The following SMPD4 variants were observed in gnomAD, a reference collection of about 807,000 sequenced individuals.
SMPD4 encodes neutral sphingomyelinase 3.
A neutral mutation model predicts 97.8 loss-of-function variants in SMPD4; 58 were observed. That is an observed-to-expected ratio of 0.59 (90% CI 0.48 to 0.74). SMPD4 has a LOEUF of 0.74. Ranked by LOEUF, SMPD4 falls within the 30% of genes least tolerant of loss-of-function variation. The probability of loss-of-function intolerance (pLI) is 0.00; values close to 1 mark genes in which losing one functional copy is unlikely to be tolerated. For missense variants in SMPD4, 853 were observed against 1,080.5 expected (o/e 0.79, Z 2.95); for synonymous variants, 388 against 450.0 (o/e 0.86, Z 1.74).
chr2:130,173,743 CCT>C (rs1186080993), intron 3 of SMPD4, 87 bp from the exon 4 acceptor site: 1 of 1,565,286 alleles, frequency 6.4e-7, no homozygotes, highest in Non-Finnish European at 8.7e-7. Context: ...TGCCCAGCTC[CCT>C]CTGAGGAAGC....
intron 3 of SMPD4, among the ~76,000 whole-genome samples, chr2:130,174,010 T>TA (rs1409103914): frequency 2.0e-5 from 3 of 151,488 alleles, no homozygotes; most frequent in African/African-American, 7.3e-5. Flanking sequence ...AAATATAAAA[T>TA]AAAAAAATAA....
In SMPD4 at chr2:130,162,438, C is replaced by A. The variant is rs190724393; in HGVS notation, c.865-1166G>T. ...CAGAGCAGGGAGTGAAGGAGCAGGG[C>A]AGGGAGGTGTTGCCCTCCACAGCCT... On this transcript the variant is annotated intron_variant, in intron 10 of 19. Transcript: ENST00000680298. Among the ~76,000 whole-genome samples the A allele has an allele frequency of 1.3e-3, 201 of 152,374 alleles. 1 individual carries two copies. The highest frequency in any genetic ancestry group is 4.8e-3 in the African/African-American group (200 of 41,590).
At chr2:130,171,710 G>T (rs754904182) in intron 8 of SMPD4, among the ~76,000 whole-genome samples, 1 of 152,234 alleles carries the variant, frequency 6.6e-6, no homozygotes, top group Admixed American at 6.5e-5. Context: ...GGGTGGGCCA[G>T]CATCTGCAGG....
intron 10 of SMPD4, among the ~76,000 whole-genome samples, chr2:130,162,783 C>T (rs1347514642): frequency 6.6e-6 from 1 of 152,252 alleles, no homozygotes; most frequent in Non-Finnish European, 1.5e-5. Context: ...CTTTCTCTGA[C>T]TCCCACCCAC....
At chr2:130,181,655 T>A, upstream of SMPD4, 2 of 1,551,694 alleles carry the variant, frequency 1.3e-6, no homozygotes, top group Middle Eastern at 1.7e-4. Context: ...CGCTTCCACC[T>A]CTTTGGGCCG....
chr2:130,172,567 G>A (rs1381431169), intron 7 of SMPD4, 58 bp downstream of exon 7: 15 of 1,613,562 alleles, frequency 9.3e-6, no homozygotes, highest in Non-Finnish European at 1.3e-5. Flanking sequence ...ACCAACAAGT[G>A]CAGGGAAGCC....
intron 8 of SMPD4, among the ~76,000 whole-genome samples, chr2:130,170,048 A>G (rs1397654899): frequency 6.6e-6 from 1 of 152,030 alleles, no homozygotes; most frequent in Non-Finnish European, 1.5e-5. Flanking sequence ...AAAAAAAAAA[A>G]AAAAAGTTAA....
chr2:130,153,869 C>G lies in SMPD4; in HGVS notation c.1726G>C (p.Ala576Pro), dbSNP rs201605526. ...AAGGAGTGGCCAGCCGGGCTCTCCG[C>G]ACACTGGTCGGAGATGGACTTGGCT... ...HTAKSISDQC[A>P]ESPAGHSFLS... Residue 576 changes from alanine to proline, a missense_variant, in exon 17 of 20, where the codon GCG becomes CCG. By Grantham distance (27) the Ala-to-Pro change is conservative. Around this residue, in one of 3 missense-constraint regions of SMPD4, gnomAD observed 511 missense variants for 608.1 expected, o/e 0.84. Coordinates refer to ENST00000680298, the MANE Select transcript of SMPD4 (RefSeq NM_017951.5). The G allele has an allele frequency of 4.3e-6, 7 of 1,613,908 alleles. No homozygotes were observed. The highest frequency in any genetic ancestry group is 5.9e-6 in the Non-Finnish European group (7 of 1,179,874).
chr2:130,158,790 C>A (rs1388711051), intron 11 of SMPD4, among the ~76,000 whole-genome samples: 2 of 152,158 alleles, frequency 1.3e-5, no homozygotes, highest in Non-Finnish European at 2.9e-5. Flanking sequence ...CACTTGTCCC[C>A]TAGCCCTTTG....
chr2:130,177,839 A>G (rs966644404), intron 1 of SMPD4, among the ~76,000 whole-genome samples: 1 of 152,190 alleles, frequency 6.6e-6, no homozygotes, highest in African/African-American at 2.4e-5. Flanking sequence ...TGCTCTCTAT[A>G]TATCTCCTCA....
At chr2:130,168,129 C>T (rs749123545) in intron 8 of SMPD4, among the ~76,000 whole-genome samples, 1 of 152,176 alleles carries the variant, frequency 6.6e-6, no homozygotes, top group Non-Finnish European at 1.5e-5. Flanking sequence ...TGGCCTGGGC[C>T]CACGAGTTGA....
In SMPD4 at chr2:130,172,514, C is replaced by T; in HGVS notation, c.508-14G>A. 1 of 1,611,706 alleles carries T rather than the reference C, an allele frequency of 6.2e-7. No homozygotes were observed. Among genetic ancestry groups the T allele is most frequent in the East Asian group, 2.2e-5 (1 of 44,806 alleles). ...CACAGGAAGTGGCTGGAAAACCAAG[C>T]TAGTTGTTAGCATGGGCTCTGGACA... is the stretch of plus-strand genomic sequence containing the variant. On this transcript the variant is annotated splice_polypyrimidine_tract_variant and intron_variant, in intron 7 of 19. Transcript: ENST00000680298.
intron 5 of SMPD4, among the ~76,000 whole-genome samples, 183 bp from the exon 6 acceptor site, chr2:130,173,078 C>T (rs1391568860): frequency 6.6e-6 from 1 of 152,224 alleles, no homozygotes; most frequent in Non-Finnish European, 1.5e-5. Context: ...TTGCTTAGAA[C>T]TTCTCCTACC....
intron 11 of SMPD4, chr2:130,159,614 G>C (rs1687190655): frequency 6.6e-6 from 1 of 151,924 alleles, no homozygotes; most frequent in African/African-American, 2.4e-5. Flanking sequence ...TTCCAGCCTG[G>C]GCAACGGAGT....
At chr2:130,157,709 G>A in intron 11 of SMPD4, 1 of 415,996 alleles carries the variant, frequency 2.4e-6, no homozygotes, top group Non-Finnish European at 4.3e-6. Flanking sequence ...CTTCTGCACG[G>A]CTGCAAATCC....
intron 8 of SMPD4, among the ~76,000 whole-genome samples, chr2:130,171,135 C>T (rs371598016): frequency 6.9e-6 from 1 of 144,428 alleles, no homozygotes; most frequent in Non-Finnish European, 1.5e-5. Flanking sequence ...AATTTCTTTT[C>T]TTTTTTTTTT....
rs1023825789 is a variant in SMPD4 at position 130,153,374 on chromosome 2, G to A, written c.1970C>T (p.Pro657Leu). The change falls in exon 18 of 20, where the codon CCC (proline) becomes CTC (leucine). Residue 657 changes from proline (P) to leucine (L), a missense_variant. Pro to Leu is a moderately conservative substitution (Grantham distance 98). This residue lies in a region of SMPD4 where 511 missense variants were observed against 608.1 expected (regional missense o/e 0.84). Coordinates refer to ENST00000680298, the MANE Select transcript of SMPD4 (RefSeq NM_017951.5). ...TQDENGKKQLPDCIVGEDGLI... is the reference protein window; with the variant it reads ...TQDENGKKQLLDCIVGEDGLI... ...TCCGTCCTCACCCACGATGCAGTCG[G>A]GGAGTTGCTTTTTTCCATTCTCATC... The A allele has an allele frequency of 1.9e-6, 3 of 1,613,754 alleles. No homozygotes were observed. Among genetic ancestry groups the A allele is most frequent in the African/African-American group, 2.7e-5 (2 of 74,936 alleles).
chr2:130,173,265 T>C lies in SMPD4; in HGVS notation c.345+14A>G. The C allele has an allele frequency of 6.2e-7, 1 of 1,612,766 alleles. No homozygotes were observed. The highest frequency in any genetic ancestry group is 2.2e-5 in the East Asian group (1 of 44,836). ...CTGCCCCGAGCACCACTCTCGCCAC[T>C]GTGGTTTACTTACAGGCAAGTAGGA... On this transcript the variant is annotated intron_variant, in intron 5 of 19. Transcript: ENST00000680298.
chr2:130,170,218 G>A (rs1006037191), intron 8 of SMPD4, among the ~76,000 whole-genome samples: 11 of 151,646 alleles, frequency 7.3e-5, no homozygotes, highest in African/African-American at 2.7e-4. Context: ...CAGGAGCGGC[G>A]GCTCACACCT....
Sources: allele counts gnomAD v4.1 joint callset (sites outside exome capture counted in the v4.1 genomes callset), GRCh38; gene constraint gnomAD v4.1.1; regional missense constraint gnomAD v4.1.1; transcripts MANE v1.5; gene names NCBI Gene and HGNC (gene_info 2026-07-23, HGNC 2026-07-21).